Variants in CNN1 observed in about 807,000 individuals in gnomAD.
CNN1 encodes the protein calponin 1.
A neutral mutation model predicts 35.3 loss-of-function variants in CNN1; 21 were observed. That is an observed-to-expected ratio of 0.60 (90% CI 0.42 to 0.86). CNN1 has a LOEUF of 0.86. Ranked by LOEUF, CNN1 falls within the 40% of genes least tolerant of loss-of-function variation. The pLI, the probability that CNN1 is intolerant of heterozygous loss-of-function variation, is 0.00. For missense variants in CNN1, 314 were observed against 400.8 expected (o/e 0.78, Z 1.85); for synonymous variants, 164 against 161.8 (o/e 1.01, Z -0.10).
At chr19:11,543,864 T>C (rs1311849181) in intron 2 of CNN1, among the ~76,000 whole-genome samples, 2 of 150,834 alleles carry the variant, frequency 1.3e-5, no homozygotes, top group African/African-American at 4.9e-5. Flanking sequence ...TGTATACCTA[T>C]GTATCAAACC....
rs1043920249 is a variant in CNN1, at chr19:11,543,837, C to G, written c.185+2640C>G. 2.0e-5 allele frequency among the ~76,000 whole-genome samples: 3 copies of G among 147,752 alleles called. No individual in the cohort carries two copies. The East Asian group carries it at 5.9e-4, about 29-fold the overall frequency. Reference sequence around the variant, plus strand: ...GTAAATGACGAGTTGATGGGTGCAGCAAACCAAAATGGCACATGTATACCT... The same window carrying G: ...GTAAATGACGAGTTGATGGGTGCAGGAAACCAAAATGGCACATGTATACCT... On this transcript the variant is annotated intron_variant, in intron 2 of 6. Transcript: ENST00000252456.
At position 11,549,872 on chromosome 19, in the gene CNN1, A is replaced by AC. The variant is rs1400226960; in HGVS notation, c.*82dup. ...GGCTGGACCCAGCCAGGCCCAGCCGACCCCCTCTCCCTGCATGGCATCCTC... is the reference window on the plus strand; with the variant it reads ...GGCTGGACCCAGCCAGGCCCAGCCGACCCCCCTCTCCCTGCATGGCATCCTC... On this transcript the variant is annotated 3_prime_UTR_variant, in exon 7 of 7. Coordinates refer to ENST00000252456, the MANE Select transcript of CNN1 (RefSeq NM_001299.6). This position sits in a 1 kb window ranked among gnomAD's most constrained non-coding sequence, Gnocchi z 5.2. 2 of 1,527,882 alleles carry AC rather than the reference A, an allele frequency of 1.3e-6. No homozygotes were observed. The highest frequency in any genetic ancestry group is 4.6e-5 in the East Asian group (2 of 43,786). The allele number at this position is 1,527,882 out of a possible 1,614,324, so 94.6% of individuals were successfully genotyped here.
chr19:11,546,836 A>T lies in CNN1; in HGVS notation c.257A>T (p.Glu86Val). Residue 86 changes from glutamate (E) to valine (V), a missense_variant, in exon 4 of 7, where the codon GAG (glutamate) becomes GTG (valine). Coordinates refer to ENST00000252456, the MANE Select transcript of CNN1 (RefSeq NM_001299.6). ...NESTQNWHQL[E>V]NIGNFIKAIT... Reference sequence around the variant, plus strand: ...CCACCACCTGCCCCCCTCTAGCTGGAGAACATCGGCAACTTCATCAAGGCC... The same window carrying T: ...CCACCACCTGCCCCCCTCTAGCTGGTGAACATCGGCAACTTCATCAAGGCC... The T allele has an allele frequency of 6.2e-7, 1 of 1,614,208 alleles. No individual in the cohort carries two copies. The highest frequency in any genetic ancestry group is 1.1e-5 in the South Asian group (1 of 91,080).
At chr19:11,548,855 C>CA (rs966039142) in intron 5 of CNN1, among the ~76,000 whole-genome samples, 27 of 151,468 alleles carry the variant, frequency 1.8e-4, no homozygotes, top group Admixed American at 5.9e-4. Context: ...TAAAATAAAA[C>CA]AAAAAAATAG....
chr19:11,543,224 C>T (rs1193897006), intron 2 of CNN1, among the ~76,000 whole-genome samples: 2 of 151,970 alleles, frequency 1.3e-5, no homozygotes, highest in Admixed American at 6.6e-5. Flanking sequence ...GTGGCATGCG[C>T]CTGTGGTCCC....
rs1017505362 is a variant in CNN1 at position 11,549,730 on chromosome 19, G to A, written c.829G>A (p.Glu277Lys). Residue 277 changes from glutamate to lysine, a missense_variant, in exon 7 of 7, where the codon GAG (glutamate) becomes AAG (lysine). Physicochemically the swap from Glu to Lys is moderately conservative, Grantham distance 56. Transcript: ENST00000252456. The surrounding 1 kb of genome is among the most constrained non-coding windows in gnomAD (Gnocchi z 5.2). ...CGACCCCAAGTACTGTCTGACTCCC[G>A]AGTACCCAGAGCTGGGTGAGCCCGC... Reference protein sequence around the residue: ...VYDPKYCLTPEYPELGEPAHN... With the variant: ...VYDPKYCLTPKYPELGEPAHN... 3.1e-6 allele frequency: 5 copies of A among 1,614,192 alleles called. No homozygotes were observed. The highest frequency in any genetic ancestry group is 2.2e-5 in the East Asian group (1 of 44,886).
intron 1 of CNN1, chr19:11,540,079 C>T (rs895461615): frequency 1.1e-5 from 11 of 1,030,556 alleles, no homozygotes; most frequent in African/African-American, 7.0e-5. Flanking sequence ...AGAGGCAGCC[C>T]GGTCCCCTAG....
rs370785879 is a variant in CNN1, at chr19:11,541,090, T to C, written c.78T>C (p.Tyr26=). Residue 26 remains tyrosine, a synonymous_variant, in exon 2 of 7, where the codon TAT becomes TAC. Transcript: ENST00000252456. ...AEVKNKLAQK[Y]DHQREQELRE... ...CCTCGCCCCAGCTGGCCCAGAAGTATGACCACCAGCGGGAGCAGGAGCTGA... is the reference window on the plus strand; with the variant it reads ...CCTCGCCCCAGCTGGCCCAGAAGTACGACCACCAGCGGGAGCAGGAGCTGA... The C allele has an allele frequency of 6.8e-5, 109 of 1,610,056 alleles. No individual in the cohort carries two copies. The highest frequency in any genetic ancestry group is 5.0e-4 in the Middle Eastern group (3 of 6,038).
intron 2 of CNN1, among the ~76,000 whole-genome samples, chr19:11,542,751 T>C (rs933182177): frequency 1.4e-4 from 21 of 151,884 alleles, no homozygotes; most frequent in African/African-American, 5.1e-4. Flanking sequence ...AATTTTTGTA[T>C]TTTTAGTAGA....
rs1282553858 is a variant in CNN1 at position 11,549,939 on chromosome 19, A to G, written c.*144A>G. 113 of 1,276,624 alleles carry G rather than the reference A, an allele frequency of 8.9e-5. No individual in the cohort carries two copies. In the East Asian group the frequency reaches 2.7e-3, roughly 30 times the overall value. 79.1% of individuals were successfully genotyped at this position (1,276,624 alleles called of 1,614,324 possible). Reference sequence around the variant, plus strand: ...CAACCTCTACAGGGTTAGAGTTTGGAGAGAGCAGACTGGCGGGGGGCCCAT... The same window carrying G: ...CAACCTCTACAGGGTTAGAGTTTGGGGAGAGCAGACTGGCGGGGGGCCCAT... On this transcript the variant is annotated 3_prime_UTR_variant, in exon 7 of 7. Coordinates refer to ENST00000252456, the MANE Select transcript of CNN1 (RefSeq NM_001299.6). This position sits in a 1 kb window ranked among gnomAD's most constrained non-coding sequence, Gnocchi z 5.2.
rs994014452 is a variant in CNN1 at position 11,547,224 on chromosome 19, C to A, written c.390+255C>A. Among the ~76,000 whole-genome samples the A allele has an allele frequency of 2.6e-5, 4 of 151,686 alleles. No homozygotes were observed. In the South Asian group the frequency reaches 8.3e-4, roughly 31 times the overall value. On this transcript the variant is annotated intron_variant, in intron 4 of 6. Transcript: ENST00000252456. ...CCAGTCTGGCCAACATGGTGAAATC[C>A]CGTCTCTACTAAAAATACAAAAATT... is the stretch of plus-strand genomic sequence containing the variant.
intron 2 of CNN1, chr19:11,541,955 G>A (rs187718783): frequency 6.9e-6 from 1 of 145,080 alleles, no homozygotes; most frequent in Non-Finnish European, 1.5e-5. Context: ...GACTAGGCTG[G>A]TCTTGAACTC....
chr19:11,545,798 CAA>C lies in CNN1; in HGVS notation c.186-857_186-856del, dbSNP rs1030710214. On this transcript the variant is annotated intron_variant, in intron 2 of 6. Coordinates refer to ENST00000252456, the MANE Select transcript of CNN1 (RefSeq NM_001299.6). ...AAATACAGTGAAACCCCCTCTCTAC[CAA>C]AAAAAAAAAAAAAAAAAAAGCCAGG... 4.2e-3 allele frequency among the ~76,000 whole-genome samples: 247 copies of C among 58,820 alleles called. 3 individuals are homozygous for C. The highest frequency in any genetic ancestry group is 0.013 in the African/African-American group (233 of 17,584). The allele number at this position is 58,820 out of a possible 152,430, so 38.6% of individuals were successfully genotyped here. A position where few individuals can be genotyped will look rare whatever the true frequency, so the allele number is the denominator to read the frequency against.
At chr19:11,542,694 G>A (rs1972492894) in intron 2 of CNN1, among the ~76,000 whole-genome samples, 1 of 151,320 alleles carries the variant, frequency 6.6e-6, no homozygotes, top group Non-Finnish European at 1.5e-5. Flanking sequence ...TCCTGCCTCA[G>A]CCTCCTGAGT....
intron 4 of CNN1, 35 bp downstream of exon 4, chr19:11,547,004 G>A (rs774973912): frequency 6.2e-7 from 1 of 1,610,222 alleles, no homozygotes; most frequent in Admixed American, 1.7e-5. Flanking sequence ...GGGGGTGGTG[G>A]GCAGCCTGGG....
intron 2 of CNN1, among the ~76,000 whole-genome samples, chr19:11,546,003 C>T (rs1352661304): frequency 2.6e-5 from 4 of 151,880 alleles, no homozygotes; most frequent in African/African-American, 4.8e-5. Flanking sequence ...AAAAAAGAGG[C>T]GAGATCATTA....
intron 1 of CNN1, among the ~76,000 whole-genome samples, 154 bp from the exon 2 acceptor site, chr19:11,540,922 T>G (rs935639944): frequency 1.3e-5 from 2 of 151,352 alleles, no homozygotes; most frequent in Non-Finnish European, 2.9e-5. Flanking sequence ...CCAGCCCCCA[T>G]CCCCCAACTA....
Position 11,547,899 on chromosome 19 carries a change from G to C in CNN1, c.493G>C (p.Gly165Arg). 6.2e-7 allele frequency: 1 copy of C among 1,613,482 alleles called. No individual in the cohort carries two copies. The highest frequency in any genetic ancestry group is 8.5e-7 in the Non-Finnish European group (1 of 1,179,660). The change falls in exon 5 of 7, where the codon GGG (glycine) becomes CGG (arginine). Residue 165 changes from glycine to arginine, a missense_variant. Transcript: ENST00000252456. The part of the protein sequence containing the change: ...GKLREGRNII[G>R]LQMGTNKFAS... ...GCTAAGAGAAGGGCGGAACATCATT[G>C]GGCTGCAGGTACCGCCCTGTCCTCA...
chr19:11,540,965 G>T lies in CNN1; in HGVS notation c.64-111G>T. 3.2e-6 allele frequency: 4 copies of T among 1,233,998 alleles called. No homozygotes were observed. In the South Asian group the frequency reaches 5.1e-5, roughly 16 times the overall value. 76.4% of individuals were successfully genotyped at this position (1,233,998 alleles called of 1,614,324 possible). A position where few individuals can be genotyped will look rare whatever the true frequency, so the allele number is the denominator to read the frequency against. On this transcript the variant is annotated intron_variant, in intron 1 of 6. Transcript: ENST00000252456. ...GGGGCAAAATTGCCTTAGTTGGGAA[G>T]GACGAGGGAGATCAGGCTCTAGGAA...
Sources: allele counts gnomAD v4.1 joint callset (sites outside exome capture counted in the v4.1 genomes callset), GRCh38; gene constraint gnomAD v4.1.1; non-coding constraint Gnocchi (gnomAD v3.1); transcripts MANE v1.5; gene names NCBI Gene and HGNC (gene_info 2026-07-23, HGNC 2026-07-21).